ATP6V0C: variants seen among roughly 807,000 people sequenced by gnomAD.
ATP6V0C encodes the protein V-type proton ATPase 16 kDa proteolipid subunit c.
Under a neutral mutation model 10.6 loss-of-function variants are expected in ATP6V0C, and 2 were observed. That is an observed-to-expected ratio of 0.19 (90% CI 0.08 to 0.59). The LOEUF (loss-of-function observed/expected upper bound fraction) is 0.59. ATP6V0C is among the 20% of genes least tolerant of loss of function. The pLI is 0.90. For synonymous variants in ATP6V0C, 128 were observed against 101.3 expected (o/e 1.26, Z -1.59); for missense variants, 89 against 225.9 (o/e 0.39, Z 3.88).
intron 1 of ATP6V0C, among the ~76,000 whole-genome samples, chr16:2,514,790 G>A (rs1368765023): frequency 2.6e-5 from 4 of 152,226 alleles, no homozygotes; most frequent in African/African-American, 9.6e-5. Context: ...GTGTCGCTGT[G>A]TGGGCTGTTT....
chr16:2,514,032 C>G lies in ATP6V0C; in HGVS notation c.-72C>G. On this transcript the variant is annotated 5_prime_UTR_variant, in exon 1 of 3. Coordinates refer to ENST00000330398, the MANE Select transcript of ATP6V0C (RefSeq NM_001694.4). ...CGCCGCCCGCCCGCAAACCTTCGTGCCCGGCCCGTCCTCGCCCCCGCCTCC... is the reference window on the plus strand; with the variant it reads ...CGCCGCCCGCCCGCAAACCTTCGTGGCCGGCCCGTCCTCGCCCCCGCCTCC... 5.7e-6 allele frequency: 8 copies of G among 1,414,914 alleles called. No homozygotes were observed. Among genetic ancestry groups the G allele is most frequent in the Non-Finnish European group, 7.7e-6 (8 of 1,039,722 alleles). 87.6% of individuals were successfully genotyped at this position (1,414,914 alleles called of 1,614,324 possible).
intron 1 of ATP6V0C, chr16:2,514,394 G>C: frequency 3.1e-6 from 1 of 325,046 alleles, no homozygotes; most frequent in Non-Finnish European, 5.4e-6. Context: ...GGCCTGGCCG[G>C]GGTGTGAGTC....
chr16:2,516,449 T>C lies in ATP6V0C; in HGVS notation c.79+2267T>C, dbSNP rs546118920. ...TCATTTCTGCCTTCTCAGCATGCTT[T>C]CCTCCAGGACCTGGCTTCACCTGCT... On this transcript the variant is annotated intron_variant, in intron 1 of 2. Transcript: ENST00000330398. 3.9e-5 allele frequency among the ~76,000 whole-genome samples: 6 copies of C among 152,284 alleles called. No individual in the cohort carries two copies. In the East Asian group the frequency reaches 1.2e-3, roughly 29 times the overall value.
chr16:2,518,997 C>G (rs2065892791), intron 1 of ATP6V0C: 1 of 523,004 alleles, frequency 1.9e-6, no homozygotes, highest in Non-Finnish European at 3.4e-6. Context: ...GGGTGGGGGC[C>G]TCACGTAGAG....
Position 2,519,249 on chromosome 16 carries a change from C to T in ATP6V0C, c.111C>T (p.Ser37=), listed in dbSNP as rs139354370. Residue 37 remains serine, a synonymous_variant, in exon 2 of 3, where the codon AGC becomes AGT. Transcript: ENST00000330398. Reference sequence around the variant, plus strand: ...GCGCTGCCTATGGCACAGCCAAGAGCGGTACCGGCATTGCGGCCATGTCTG... The same window carrying T: ...GCGCTGCCTATGGCACAGCCAAGAGTGGTACCGGCATTGCGGCCATGTCTG... ...ALGAAYGTAK[S]GTGIAAMSVM... is the part of the protein sequence containing the mutation. 29 of 1,613,558 alleles carry T rather than the reference C, an allele frequency of 1.8e-5. No individual in the cohort carries two copies. The highest frequency in any genetic ancestry group is 1.6e-4 in the Middle Eastern group (1 of 6,080).
Position 2,520,100 on chromosome 16 carries a change from C to T in ATP6V0C, c.*355C>T. On this transcript the variant is annotated 3_prime_UTR_variant, in exon 3 of 3. Coordinates refer to ENST00000330398, the MANE Select transcript of ATP6V0C (RefSeq NM_001694.4). ...GCCCTTGTCTCCCAGCTATCTATAA[C>T]CTTAGCTAGAGTGTCGCCTTGTGGG... 1 of 601,852 alleles carries T rather than the reference C, an allele frequency of 1.7e-6. No individual in the cohort carries two copies. The highest frequency in any genetic ancestry group is 1.5e-5 in the South Asian group (1 of 65,238). The allele number at this position is 601,852 out of a possible 1,614,324, so 37.3% of individuals were successfully genotyped here.
chr16:2,519,493 C>T lies in ATP6V0C; in HGVS notation c.264-48C>T, dbSNP rs1329903697. 1.9e-6 allele frequency: 3 copies of T among 1,544,556 alleles called. No homozygotes were observed. In the African/African-American group the frequency reaches 4.1e-5, roughly 21 times the overall value. On this transcript the variant is annotated intron_variant, in intron 2 of 2. Coordinates refer to ENST00000330398, the MANE Select transcript of ATP6V0C (RefSeq NM_001694.4). ...GGGTGGTGACCCGGACCCTTGTCTC[C>T]CCCTGGTTGGCAGGCTGCTGATGTC...
At chr16:2,515,031 G>A (rs1018392156) in intron 1 of ATP6V0C, among the ~76,000 whole-genome samples, 1 of 152,098 alleles carries the variant, frequency 6.6e-6, no homozygotes, top group Admixed American at 6.5e-5. Context: ...ATGAATGGAG[G>A]GGTGAATGAA....
chr16:2,516,096 GCT>G (rs2065875766), intron 1 of ATP6V0C, among the ~76,000 whole-genome samples: 2 of 144,402 alleles, frequency 1.4e-5, no homozygotes, highest in African/African-American at 5.2e-5. Context: ...TCAGACAACT[GCT>G]TTTTTTTTTT....
At chr16:2,515,813 G>T (rs2065874580) in intron 1 of ATP6V0C, among the ~76,000 whole-genome samples, 1 of 152,206 alleles carries the variant, frequency 6.6e-6, no homozygotes, top group South Asian at 2.1e-4. Context: ...AACAAAATGG[G>T]ATCCCCGCCC....
intron 1 of ATP6V0C, among the ~76,000 whole-genome samples, chr16:2,515,820 G>A (rs1193571615): frequency 6.6e-6 from 1 of 152,158 alleles, no homozygotes; most frequent in Non-Finnish European, 1.5e-5. Context: ...TGGGATCCCC[G>A]CCCATGTGGA....
Position 2,519,604 on chromosome 16 carries a change from C to T in ATP6V0C, c.327C>T (p.Ala109=). 1.3e-6 allele frequency: 2 copies of T among 1,592,308 alleles called. No individual in the cohort carries two copies. Among genetic ancestry groups the T allele is most frequent in the African/African-American group, 2.7e-5 (2 of 74,536 alleles). Residue 109 remains alanine (A), a synonymous_variant, in exon 3 of 3, where the codon GCC becomes GCT. Coordinates refer to ENST00000330398, the MANE Select transcript of ATP6V0C (RefSeq NM_001694.4). ...TGAGCGGCCTGGCAGCCGGCTTTGC[C>T]ATCGGCATCGTGGGGGACGCTGGCG... ...VGLSGLAAGF[A]IGIVGDAGVR...
chr16:2,519,057 C>T (rs950462002), intron 1 of ATP6V0C, 161 bp from the exon 2 acceptor site: 7 of 803,540 alleles, frequency 8.7e-6, no homozygotes, highest in Middle Eastern at 3.8e-4. Context: ...GTGGCTGTTC[C>T]TCCTGGGTCC....
Position 2,514,073 on chromosome 16 carries a change from C to T in ATP6V0C, c.-31C>T. The T allele has an allele frequency of 1.3e-6, 2 of 1,547,162 alleles. No homozygotes were observed. Among genetic ancestry groups the T allele is most frequent in the Non-Finnish European group, 8.7e-7 (1 of 1,146,496 alleles). On this transcript the variant is annotated 5_prime_UTR_variant, in exon 1 of 3. Coordinates refer to ENST00000330398, the MANE Select transcript of ATP6V0C (RefSeq NM_001694.4). Reference sequence around the variant, plus strand: ...CCCCGCCTCCGCCACCGCCTCGGCCCGCAGAGCTTGCCCCCTCCCCACCCG... The same window carrying T: ...CCCCGCCTCCGCCACCGCCTCGGCCTGCAGAGCTTGCCCCCTCCCCACCCG...
chr16:2,514,664 T>G (rs971180434), intron 1 of ATP6V0C, among the ~76,000 whole-genome samples: 1 of 151,842 alleles, frequency 6.6e-6, no homozygotes, highest in Non-Finnish European at 1.5e-5. Context: ...GGAGCCCATG[T>G]CCCCCACGGG....
At position 2,514,033 on chromosome 16, in the gene ATP6V0C, C is replaced by T. The variant is rs943070298; in HGVS notation, c.-71C>T. The T allele has an allele frequency of 6.3e-6, 9 of 1,427,928 alleles. No individual in the cohort carries two copies. The highest frequency in any genetic ancestry group is 2.2e-4 in the Middle Eastern group (1 of 4,562). The allele number at this position is 1,427,928 out of a possible 1,614,324, so 88.5% of individuals were successfully genotyped here. A position where few individuals can be genotyped will look rare whatever the true frequency, so the allele number is the denominator to read the frequency against. ...GCCGCCCGCCCGCAAACCTTCGTGC[C>T]CGGCCCGTCCTCGCCCCCGCCTCCG... On this transcript the variant is annotated 5_prime_UTR_variant, in exon 1 of 3. Coordinates refer to ENST00000330398, the MANE Select transcript of ATP6V0C (RefSeq NM_001694.4).
At chr16:2,517,751 G>GTGTGTC (rs1365188035) in intron 1 of ATP6V0C, 1 of 144,110 alleles carries the variant, frequency 6.9e-6, no homozygotes, top group Non-Finnish European at 1.5e-5. Flanking sequence ...GTGTGTGTGT[G>GTGTGTC]TGTCTGTCAG....
intron 1 of ATP6V0C, 199 bp downstream of exon 1, chr16:2,514,381 G>A (rs1298086947): frequency 2.6e-6 from 1 of 389,968 alleles, no homozygotes. Context: ...CGCAGGGCGT[G>A]CGGGCCTGGC....
chr16:2,513,979 A>G lies in ATP6V0C; in HGVS notation c.-125A>G. ...TCTGCGGTGCTGGTATTTAGAGCGC[A>G]GCGGCTGACGGGCCGGATCGCCTTC... On this transcript the variant is annotated 5_prime_UTR_variant, in exon 1 of 3. Coordinates refer to ENST00000330398, the MANE Select transcript of ATP6V0C (RefSeq NM_001694.4). The G allele has an allele frequency of 6.1e-6, 5 of 821,388 alleles. No individual in the cohort carries two copies. The highest frequency in any genetic ancestry group is 2.9e-5 in the Admixed American group (1 of 34,354). The allele number at this position is 821,388 out of a possible 1,614,324, so 50.9% of individuals were successfully genotyped here. A position where few individuals can be genotyped will look rare whatever the true frequency, so the allele number is the denominator to read the frequency against.
Sources: allele counts gnomAD v4.1 joint callset (sites outside exome capture counted in the v4.1 genomes callset), GRCh38; gene constraint gnomAD v4.1.1; transcripts MANE v1.5; gene names NCBI Gene and HGNC (gene_info 2026-07-23, HGNC 2026-07-21).